ANKRD20A1: variants seen among roughly 807,000 people sequenced by gnomAD.
ANKRD20A1 encodes ankyrin repeat domain 20 family member A1, also known as ankyrin repeat domain-containing protein 20A1.
ANKRD20A1 carries 2 observed loss-of-function variants against 50.9 expected under a neutral mutation model. The ratio of observed to expected loss-of-function variants is 0.04; its 90% CI spans 0.02 to 0.12. ANKRD20A1 has a LOEUF of 0.12. ANKRD20A1 is among the 10% of genes least tolerant of loss of function. The pLI is 1.00. For synonymous variants in ANKRD20A1, 10 were observed against 186.2 expected (o/e 0.05, Z 7.70); for missense variants, 31 against 548.1 (o/e 0.06, Z 9.42).
chr9:67,872,721 A>C (rs200137588), intron 6 of ANKRD20A1, among the ~76,000 whole-genome samples: 1 of 128,068 alleles, frequency 7.8e-6, no homozygotes, highest in South Asian at 2.7e-4. Context: ...TATGTTGCCT[A>C]GGCTAGAATA....
In ANKRD20A1 at chr9:67,882,016, G is replaced by C. The variant is rs1324424231; in HGVS notation, c.894+1471G>C. On this transcript the variant is annotated intron_variant, in intron 8 of 14. Coordinates refer to ENST00000562196, the MANE Select transcript of ANKRD20A1 (RefSeq NM_032250.5). ...GTTTTTTGAGATGGGGTTTCACTCT[G>C]TCCCCCAGGCTGGAGGGCACTGGTG... Among the ~76,000 whole-genome samples the C allele has an allele frequency of 2.1e-5, 3 of 140,986 alleles. No individual in the cohort carries two copies. In the East Asian group the frequency reaches 7.1e-4, roughly 33 times the overall value. The allele number at this position is 140,986 out of a possible 152,430, so 92.5% of individuals were successfully genotyped here.
intron 11 of ANKRD20A1, among the ~76,000 whole-genome samples, chr9:67,891,285 A>G (rs1172742844): frequency 5.0e-5 from 7 of 140,172 alleles, no homozygotes; most frequent in African/African-American, 1.8e-4. Flanking sequence ...CAAGAGTGAA[A>G]CTCCATCTCA....
chr9:67,872,673 T>G (rs1827667577), intron 6 of ANKRD20A1, among the ~76,000 whole-genome samples: 1 of 137,480 alleles, frequency 7.3e-6, no homozygotes, highest in African/African-American at 2.7e-5. Context: ...TGATGCACAA[T>G]TAATCAATTA....
rs1183107370 is a variant in ANKRD20A1 at position 67,891,317 on chromosome 9, A to C, written c.1082-2119A>C. Reference sequence around the variant, plus strand: ...CTCAAACAACAACAACAACAACAACAACAGCAACAGCAACAACCACCACAA... The same window carrying C: ...CTCAAACAACAACAACAACAACAACCACAGCAACAGCAACAACCACCACAA... On this transcript the variant is annotated intron_variant, in intron 11 of 14. Coordinates refer to ENST00000562196, the MANE Select transcript of ANKRD20A1 (RefSeq NM_032250.5). 3.6e-5 allele frequency among the ~76,000 whole-genome samples: 5 copies of C among 137,848 alleles called. No homozygotes were observed. In the South Asian group the frequency reaches 1.2e-3, roughly 34 times the overall value. 90.4% of individuals were successfully genotyped at this position (137,848 alleles called of 152,430 possible). A position where few individuals can be genotyped will look rare whatever the true frequency, so the allele number is the denominator to read the frequency against.
chr9:67,867,588 T>A (rs77258790), intron 4 of ANKRD20A1, among the ~76,000 whole-genome samples: 115 of 144,484 alleles, frequency 8.0e-4, no homozygotes, highest in East Asian at 2.5e-3. Flanking sequence ...TAATATACAG[T>A]GTTTGGTATT....
chr9:67,867,574 CTT>C (rs1406810836), intron 4 of ANKRD20A1, among the ~76,000 whole-genome samples, 191 bp downstream of exon 4: 4 of 152,288 alleles, frequency 2.6e-5, no homozygotes, highest in African/African-American at 9.6e-5. Context: ...TTCATCTTCT[CTT>C]ATAATATACA....
chr9:67,897,742 TTTTTTTTTGTTTGTTTGGTTTTGGG>T lies in ANKRD20A1; in HGVS notation c.1316+37_1316+61del. On this transcript the variant is annotated intron_variant, in intron 13 of 14. Coordinates refer to ENST00000562196, the MANE Select transcript of ANKRD20A1 (RefSeq NM_032250.5). ...TGATAGGTAAGCCTATAGCAGTGTT[TTTTTTTTTGTTTGTTTGGTTTTGGG>T]TTTTTTTTGTTTGTTTTTGTTTTTT... The T allele has an allele frequency of 7.7e-7, 1 of 1,304,374 alleles. No individual in the cohort carries two copies. 80.8% of individuals were successfully genotyped at this position (1,304,374 alleles called of 1,614,324 possible). A position where few individuals can be genotyped will look rare whatever the true frequency, so the allele number is the denominator to read the frequency against.
In ANKRD20A1 at chr9:67,872,546, A is replaced by G. The variant is rs1254644146; in HGVS notation, c.793+1334A>G. ...GGGTTTAAATCATGTTTTCAGTTTTATGAGAAATGAAGAAAAAGATTAGAA... is the reference window on the plus strand; with the variant it reads ...GGGTTTAAATCATGTTTTCAGTTTTGTGAGAAATGAAGAAAAAGATTAGAA... On this transcript the variant is annotated intron_variant, in intron 6 of 14. Transcript: ENST00000562196. 9.1e-5 allele frequency among the ~76,000 whole-genome samples: 12 copies of G among 132,442 alleles called. 1 individual carries two copies. Among genetic ancestry groups the G allele is most frequent in the Admixed American group, 8.9e-4 (12 of 13,556 alleles). The allele number at this position is 132,442 out of a possible 152,430, so 86.9% of individuals were successfully genotyped here. A position where few individuals can be genotyped will look rare whatever the true frequency, so the allele number is the denominator to read the frequency against.
At chr9:67,885,730 T>C (rs1292127537) in intron 9 of ANKRD20A1, among the ~76,000 whole-genome samples, 1 of 152,310 alleles carries the variant, frequency 6.6e-6, no homozygotes, top group African/African-American at 2.4e-5. Context: ...GCATTCAAAT[T>C]GTCATGAATG....
chr9:67,900,472 A>G lies in ANKRD20A1; in HGVS notation c.1498-21A>G, dbSNP rs550633133. 1.5e-3 allele frequency: 1,427 copies of G among 956,270 alleles called. 217 individuals are homozygous for G. The African/African-American group carries it at 0.022, about 15-fold the overall frequency. The allele number at this position is 956,270 out of a possible 1,614,324, so 59.2% of individuals were successfully genotyped here. A position where few individuals can be genotyped will look rare whatever the true frequency, so the allele number is the denominator to read the frequency against. ...GATATTTTATTGAGTACTAGCTAAA[A>G]TTTTCTTTTGTTTTATTTAGGATTT... On this transcript the variant is annotated intron_variant, in intron 14 of 14. Coordinates refer to ENST00000562196, the MANE Select transcript of ANKRD20A1 (RefSeq NM_032250.5).
intron 14 of ANKRD20A1, 27 bp from the exon 15 acceptor site, chr9:67,900,466 G>T (rs762527121): frequency 1.0e-6 from 1 of 954,324 alleles, no homozygotes; most frequent in African/African-American, 1.7e-5. Context: ...TTGAGTACTA[G>T]CTAAAATTTT....
intron 7 of ANKRD20A1, among the ~76,000 whole-genome samples, chr9:67,878,042 A>AGCCT (rs1827760105): frequency 2.1e-5 from 1 of 46,668 alleles, no homozygotes; most frequent in African/African-American, 4.4e-5. Context: ...TTTGACCATC[A>AGCCT]GCCTGCCTGC....
At chr9:67,888,864 G>A (rs1266273116) in intron 11 of ANKRD20A1, among the ~76,000 whole-genome samples, 5 of 152,170 alleles carry the variant, frequency 3.3e-5, no homozygotes, top group African/African-American at 1.2e-4. Flanking sequence ...CAGAAACCGG[G>A]AATATAACTT....
At chr9:67,898,014 G>A (rs1828025536) in intron 13 of ANKRD20A1, among the ~76,000 whole-genome samples, 1 of 91,994 alleles carries the variant, frequency 1.1e-5, no homozygotes, top group South Asian at 3.6e-4. Flanking sequence ...CTGACTTCAC[G>A]TGTTCTGCCC....
chr9:67,872,255 G>A lies in ANKRD20A1; in HGVS notation c.793+1043G>A, dbSNP rs1449803080. On this transcript the variant is annotated intron_variant, in intron 6 of 14. Coordinates refer to ENST00000562196, the MANE Select transcript of ANKRD20A1 (RefSeq NM_032250.5). Reference sequence around the variant, plus strand: ...AAGACAGCTACTGAGCACAGGAGACGGAAAAGCAATTCCTTTGTGAGAAGC... The same window carrying A: ...AAGACAGCTACTGAGCACAGGAGACAGAAAAGCAATTCCTTTGTGAGAAGC... Among the ~76,000 whole-genome samples the A allele has an allele frequency of 1.1e-4, 13 of 118,880 alleles. 3 individuals carry two copies. The highest frequency in any genetic ancestry group is 2.8e-4 in the East Asian group (1 of 3,590). 78.0% of individuals were successfully genotyped at this position (118,880 alleles called of 152,430 possible). A position where few individuals can be genotyped will look rare whatever the true frequency, so the allele number is the denominator to read the frequency against.
intron 4 of ANKRD20A1, among the ~76,000 whole-genome samples, chr9:67,867,905 C>G (rs1192405986): frequency 4.0e-5 from 5 of 124,708 alleles, no homozygotes; most frequent in Non-Finnish European, 7.0e-5. Flanking sequence ...GATCTGCTCT[C>G]CTTGGCTTCC....
At chr9:67,885,529 A>G (rs1178052891) in intron 9 of ANKRD20A1, among the ~76,000 whole-genome samples, 2 of 152,308 alleles carry the variant, frequency 1.3e-5, no homozygotes, top group Non-Finnish European at 2.9e-5. Flanking sequence ...AATTAACATA[A>G]TTGAATAGTG....
intron 6 of ANKRD20A1, among the ~76,000 whole-genome samples, chr9:67,872,332 G>A (rs1366190175): frequency 7.5e-6 from 1 of 133,610 alleles, no homozygotes; most frequent in Admixed American, 7.3e-5. Flanking sequence ...ATCTGTCATA[G>A]TTTACATACA....
Position 67,895,922 on chromosome 9 carries a change from G to A in ANKRD20A1, c.1153-1637G>A, listed in dbSNP as rs367940684. 5.5e-4 allele frequency among the ~76,000 whole-genome samples: 47 copies of A among 85,850 alleles called. 18 individuals are homozygous for A. The East Asian group carries it at 0.03, about 54-fold the overall frequency. The allele number at this position is 85,850 out of a possible 152,430, so 56.3% of individuals were successfully genotyped here. On this transcript the variant is annotated intron_variant, in intron 12 of 14. Coordinates refer to ENST00000562196, the MANE Select transcript of ANKRD20A1 (RefSeq NM_032250.5). ...AGTTACAGTGGGGTTATCTAAATGT[G>A]TAATTATGTGTCAAAGTAGATTAGT...
Sources: gnomAD v4.1 joint callset for allele counts (sites outside exome capture counted in the v4.1 genomes callset) on GRCh38, gnomAD v4.1.1 for gene constraint, MANE v1.5 for transcripts, NCBI Gene and HGNC (gene_info 2026-07-23, HGNC 2026-07-21) for gene names.